Variants in PTPRD observed in about 807,000 individuals in gnomAD.
PTPRD encodes protein tyrosine phosphatase receptor type D.
In PTPRD, 34 loss-of-function variants were observed where a neutral mutation model predicts 214.5. That is an observed-to-expected ratio of 0.16 (90% CI 0.12 to 0.21). The LOEUF (loss-of-function observed/expected upper bound fraction) is 0.21. PTPRD is among the 10% of genes least tolerant of loss of function. The probability of loss-of-function intolerance (pLI) is 1.00; values close to 1 mark genes in which losing one functional copy is unlikely to be tolerated. For missense variants in PTPRD, 2,545 were observed against 2,398.7 expected, an observed-to-expected ratio of 1.06 and a Z score of -1.27; for synonymous variants, 1,128 against 845.7, an observed-to-expected ratio of 1.33 and a Z score of -5.79.
intron 2 of PTPRD, among the ~76,000 whole-genome samples, chr9:10,383,487 T>C (rs2097857903): frequency 1.3e-5 from 2 of 151,840 alleles, no homozygotes; most frequent in African/African-American, 2.4e-5. Context: ...TTGATAAGGC[T>C]TATGTTTTAC....
chr9:8,742,506 T>C (rs894727100), intron 11 of PTPRD, among the ~76,000 whole-genome samples: 2 of 152,214 alleles, frequency 1.3e-5, no homozygotes, highest in Non-Finnish European at 2.9e-5. Flanking sequence ...ATCTGTAAAA[T>C]ACATTTACTT....
intron 11 of PTPRD, among the ~76,000 whole-genome samples, chr9:8,892,671 G>T (rs142498463): frequency 0.1 from 12,740 of 123,486 alleles, 812 homozygotes; most frequent in East Asian, 0.25. Flanking sequence ...GTATATATAT[G>T]TGTATATATA....
chr9:8,321,395 T>C (rs1032376458), intron 44 of PTPRD, among the ~76,000 whole-genome samples: 11 of 148,748 alleles, frequency 7.4e-5, no homozygotes, highest in African/African-American at 2.5e-4. Flanking sequence ...CTTTAATAAG[T>C]TATAAATAAG....
intron 8 of PTPRD, among the ~76,000 whole-genome samples, chr9:9,448,495 ATGC>A (rs1249934656): frequency 3.3e-5 from 5 of 151,974 alleles, no homozygotes; most frequent in African/African-American, 1.2e-4. Flanking sequence ...CCTGCTTCCA[ATGC>A]TGCTATGATT....
At chr9:8,931,245 C>T (rs901659311) in intron 11 of PTPRD, among the ~76,000 whole-genome samples, 1 of 151,810 alleles carries the variant, frequency 6.6e-6, no homozygotes, top group African/African-American at 2.4e-5. Flanking sequence ...TTGTTTTTGT[C>T]AGGTTTGTCA....
chr9:10,358,863 G>A (rs573239615), intron 2 of PTPRD, among the ~76,000 whole-genome samples: 2 of 151,836 alleles, frequency 1.3e-5, no homozygotes, highest in East Asian at 3.8e-4. Context: ...GTTGTATATT[G>A]TTTTCTGTAT....
chr9:9,747,971 A>C (rs1033400545), intron 6 of PTPRD, among the ~76,000 whole-genome samples: 1 of 152,168 alleles, frequency 6.6e-6, no homozygotes, highest in African/African-American at 2.4e-5. Flanking sequence ...TGTCCATGCA[A>C]TGTTGTGATT....
intron 12 of PTPRD, among the ~76,000 whole-genome samples, chr9:8,644,189 G>C (rs765103965): frequency 1.3e-5 from 2 of 151,766 alleles, no homozygotes; most frequent in Admixed American, 1.3e-4. Context: ...TGAGAACTGA[G>C]GACTTGCTTA....
At chr9:9,197,684 T>A (rs1478525708) in intron 9 of PTPRD, among the ~76,000 whole-genome samples, 3 of 152,200 alleles carry the variant, frequency 2.0e-5, no homozygotes, top group African/African-American at 7.2e-5. Context: ...GTGCTGGGAT[T>A]ACAGGCATGA....
chr9:9,583,901 T>C (rs778257410), intron 7 of PTPRD, among the ~76,000 whole-genome samples: 3 of 152,098 alleles, frequency 2.0e-5, no homozygotes, highest in Non-Finnish European at 2.9e-5. Flanking sequence ...CTCGCCATGG[T>C]TGGCTACTTT....
At position 10,229,257 on chromosome 9, in the gene PTPRD, C is replaced by A. The variant is rs76639416; in HGVS notation, c.-545+111706G>T. On this transcript the variant is annotated intron_variant, in intron 3 of 45. Coordinates refer to ENST00000381196, the MANE Select transcript of PTPRD (RefSeq NM_002839.4). ...GAACACTTTTACACTGTTGGCGGGA[C>A]TGTAAACTAGTTCAATCATTGTGGA... Among the ~76,000 whole-genome samples, 837 of 152,152 alleles carry A rather than the reference C, an allele frequency of 5.5e-3. 33 individuals are homozygous for A. In the East Asian group the frequency reaches 0.11, roughly 21 times the overall value.
At chr9:8,718,218 T>C (rs2098456676) in intron 12 of PTPRD, among the ~76,000 whole-genome samples, 1 of 152,162 alleles carries the variant, frequency 6.6e-6, no homozygotes, top group East Asian at 1.9e-4. Flanking sequence ...AAAAGCAATC[T>C]AGTGGCCTGA....
intron 6 of PTPRD, among the ~76,000 whole-genome samples, chr9:9,757,147 T>TA (rs1354423366): frequency 6.6e-6 from 1 of 152,236 alleles, no homozygotes; most frequent in Non-Finnish European, 1.5e-5. Context: ...AGATTCCCTT[T>TA]ATGACCATTC....
intron 7 of PTPRD, among the ~76,000 whole-genome samples, chr9:9,610,405 A>G (rs776958762): frequency 1.3e-5 from 2 of 152,246 alleles, no homozygotes; most frequent in Non-Finnish European, 2.9e-5. Flanking sequence ...TAGCAAAGCA[A>G]TAATATCAAC....
At chr9:8,974,106 C>T (rs1439373937) in intron 11 of PTPRD, among the ~76,000 whole-genome samples, 2 of 151,954 alleles carry the variant, frequency 1.3e-5, no homozygotes, top group Admixed American at 1.3e-4. Context: ...GGGGACTTGT[C>T]CATAAATTCT....
At chr9:10,137,796 G>A (rs564287040) in intron 3 of PTPRD, among the ~76,000 whole-genome samples, 2 of 151,088 alleles carry the variant, frequency 1.3e-5, no homozygotes, top group South Asian at 4.2e-4. Flanking sequence ...ATGGCTTTTT[G>A]GTAAACAACA....
chr9:10,509,862 T>G (rs746014389), intron 2 of PTPRD, among the ~76,000 whole-genome samples: 1 of 151,908 alleles, frequency 6.6e-6, no homozygotes, highest in African/African-American at 2.4e-5. Flanking sequence ...AGGTATATAT[T>G]TATTCCTCTA....
At chr9:8,822,396 T>C (rs1600915152) in intron 11 of PTPRD, among the ~76,000 whole-genome samples, 2 of 152,180 alleles carry the variant, frequency 1.3e-5, no homozygotes, top group Admixed American at 6.5e-5. Context: ...ACCAATATAA[T>C]CATGTGTTCT....
At chr9:9,825,613 CT>C (rs2153586084) in intron 5 of PTPRD, among the ~76,000 whole-genome samples, 1 of 152,030 alleles carries the variant, frequency 6.6e-6, no homozygotes, top group East Asian at 1.9e-4. Flanking sequence ...TCACCATTAA[CT>C]AGTTGTCTGA....
Sources: gnomAD v4.1 joint callset for allele counts (sites outside exome capture counted in the v4.1 genomes callset) on GRCh38, gnomAD v4.1.1 for gene constraint, MANE v1.5 for transcripts, NCBI Gene and HGNC (gene_info 2026-07-23, HGNC 2026-07-21) for gene names.